The following MACO1 variants were observed in gnomAD, a reference collection of about 807,000 sequenced individuals.
MACO1 encodes the protein macoilin.
Under a neutral mutation model 78.7 loss-of-function variants are expected in MACO1, and 14 were observed. The observed-to-expected ratio is 0.18, with a 90% CI of 0.12 to 0.28. MACO1 has a LOEUF of 0.28. Among genes scored for constraint, MACO1 ranks in the 10% least tolerant of loss-of-function variants. The pLI is 1.00. For synonymous variants in MACO1, 288 were observed against 291.6 expected, an observed-to-expected ratio of 0.99 and a Z score of 0.12; for missense variants, 501 against 799.0, an observed-to-expected ratio of 0.63 and a Z score of 4.50.
intron 3 of MACO1, 37 bp from the exon 4 acceptor site, chr1:25,454,222 G>A (rs770499605): frequency 5.2e-6 from 8 of 1,536,316 alleles, no homozygotes; most frequent in Middle Eastern, 1.7e-4. Context: ...TTACTATATC[G>A]TTTATTAATG....
At chr1:25,455,241 A>T (rs1158057652) in intron 4 of MACO1, among the ~76,000 whole-genome samples, 1 of 152,128 alleles carries the variant, frequency 6.6e-6, no homozygotes, top group Non-Finnish European at 1.5e-5. Flanking sequence ...ATTTCTCTTT[A>T]TGTTAATGAA....
rs901732611 is a variant in MACO1, at chr1:25,489,302, G to T, written c.1617+9G>T. 1.9e-6 allele frequency: 3 copies of T among 1,612,296 alleles called. No homozygotes were observed. The highest frequency in any genetic ancestry group is 2.5e-6 in the Non-Finnish European group (3 of 1,179,348). On this transcript the variant is annotated intron_variant, in intron 9 of 10. Coordinates refer to ENST00000374343, the MANE Select transcript of MACO1 (RefSeq NM_018202.6). ...TAGAACTAAAAGTCCAGGTAAGGGG[G>T]GAACAAAAGACTTCCCTTGTATTTG...
At chr1:25,464,990 T>A (rs921477762) in intron 6 of MACO1, among the ~76,000 whole-genome samples, 13 of 151,012 alleles carry the variant, frequency 8.6e-5, no homozygotes, top group Non-Finnish European at 1.5e-4. Context: ...TTTTTTTTTT[T>A]AATATAGAGA....
intron 6 of MACO1, among the ~76,000 whole-genome samples, chr1:25,459,487 A>ATTT (rs67989933): frequency 1.5e-4 from 22 of 146,392 alleles, no homozygotes; most frequent in African/African-American, 4.5e-4. Flanking sequence ...AATTAAAAGA[A>ATTT]TTTTTTTTTT....
In MACO1 at chr1:25,485,607, A is replaced by G. The variant is rs1294439517; in HGVS notation, c.1314-6A>G. ...AAGACTTTATATGACAATCATTTCCATATAGGTTACATAATGCTGTGCAAA... is the reference window on the plus strand; with the variant it reads ...AAGACTTTATATGACAATCATTTCCGTATAGGTTACATAATGCTGTGCAAA... On this transcript the variant is annotated splice_region_variant and splice_polypyrimidine_tract_variant and intron_variant, in intron 7 of 10. Coordinates refer to ENST00000374343, the MANE Select transcript of MACO1 (RefSeq NM_018202.6). The surrounding 1 kb of genome is among the most constrained non-coding windows in gnomAD (Gnocchi z 4.3). The G allele has an allele frequency of 3.1e-6, 5 of 1,608,628 alleles. No individual in the cohort carries two copies. In the African/African-American group the frequency reaches 6.7e-5, roughly 22 times the overall value.
chr1:25,482,747 A>G (rs2043391690), intron 6 of MACO1, among the ~76,000 whole-genome samples: 1 of 152,212 alleles, frequency 6.6e-6, no homozygotes. Flanking sequence ...GACTGCCTGG[A>G]TGACCTTGGG....
rs77675570 is a variant in MACO1, at chr1:25,485,936, C to T, written c.1496+141C>T. 2.7e-3 allele frequency: 2,373 copies of T among 871,596 alleles called. 34 individuals are homozygous for T. In the African/African-American group the frequency reaches 0.035, roughly 13 times the overall value. The allele number at this position is 871,596 out of a possible 1,614,324, so 54.0% of individuals were successfully genotyped here. ...TTGCTTTTAAGTACTGTTTTATTAA[C>T]TGGTTTAAACTCCATGTGTGCAAGC... On this transcript the variant is annotated intron_variant, in intron 8 of 10. Coordinates refer to ENST00000374343, the MANE Select transcript of MACO1 (RefSeq NM_018202.6). This position sits in a 1 kb window ranked among gnomAD's most constrained non-coding sequence, Gnocchi z 4.3.
chr1:25,442,236 G>A lies in MACO1; in HGVS notation c.81-4526G>A, dbSNP rs553222832. ...GTACAAGCCAGATAAGGGGCTGAAC[G>A]AATGTTCTAGAGGTGATGTCCAGTA... is the stretch of plus-strand genomic sequence containing the variant. On this transcript the variant is annotated intron_variant, in intron 1 of 10. Transcript: ENST00000374343. Among the ~76,000 whole-genome samples the A allele has an allele frequency of 3.3e-5, 5 of 152,354 alleles. No homozygotes were observed. In the South Asian group the frequency reaches 6.2e-4, roughly 19 times the overall value.
intron 6 of MACO1, among the ~76,000 whole-genome samples, chr1:25,462,856 A>G (rs569363676): frequency 1.5e-5 from 1 of 68,180 alleles, no homozygotes; most frequent in African/African-American, 3.7e-5. Context: ...AGTATGCTGT[A>G]TACCATGGGT....
intron 1 of MACO1, among the ~76,000 whole-genome samples, chr1:25,439,212 C>T (rs2042945850): frequency 6.6e-6 from 1 of 151,818 alleles, no homozygotes; most frequent in Admixed American, 6.6e-5. Flanking sequence ...ATAAGATACC[C>T]TATTTATTTA....
intron 3 of MACO1, among the ~76,000 whole-genome samples, chr1:25,450,495 C>T (rs1421703280): frequency 6.6e-6 from 1 of 152,084 alleles, no homozygotes; most frequent in South Asian, 2.1e-4. Flanking sequence ...ATTCTTGGGC[C>T]TAGCTACAAC....
intron 5 of MACO1, among the ~76,000 whole-genome samples, chr1:25,457,094 A>T (rs922316949): frequency 6.0e-5 from 9 of 150,058 alleles, no homozygotes; most frequent in Non-Finnish European, 1.2e-4. Context: ...TTTAATTCTG[A>T]TTTTTTTTTA....
At chr1:25,452,680 A>G (rs1416376122) in intron 3 of MACO1, among the ~76,000 whole-genome samples, 2 of 151,844 alleles carry the variant, frequency 1.3e-5, no homozygotes, top group Non-Finnish European at 2.9e-5. Context: ...GCTATTGCAA[A>G]TAATATTACG....
At chr1:25,445,118 A>C in intron 1 of MACO1, among the ~76,000 whole-genome samples, 1 of 133,776 alleles carries the variant, frequency 7.5e-6, no homozygotes, top group Admixed American at 8.1e-5. Flanking sequence ...ACATGGTGAG[A>C]CTCCCATCTC....
At chr1:25,464,913 A>T (rs35328183) in intron 6 of MACO1, among the ~76,000 whole-genome samples, 62,692 of 150,986 alleles carry the variant, frequency 0.42, 14,306 homozygotes, top group East Asian at 0.73. Context: ...ACCTCAGGTG[A>T]TCCACCCACC....
intron 1 of MACO1, 98 bp downstream of exon 1, chr1:25,431,276 C>T (rs952480347): frequency 1.9e-5 from 17 of 905,746 alleles, no homozygotes; most frequent in African/African-American, 7.2e-5. Context: ...GTAGGCCGCA[C>T]GCCCGCGCCG....
chr1:25,435,911 C>A (rs1200115500), intron 1 of MACO1, among the ~76,000 whole-genome samples: 1 of 152,194 alleles, frequency 6.6e-6, no homozygotes, highest in African/African-American at 2.4e-5. Flanking sequence ...CTCCAACTTT[C>A]ATTATGATTC....
chr1:25,464,520 T>A (rs1477414134), intron 6 of MACO1, among the ~76,000 whole-genome samples: 1 of 151,742 alleles, frequency 6.6e-6, no homozygotes, highest in Non-Finnish European at 1.5e-5. Flanking sequence ...AATTTTTGTA[T>A]TTTTGGTAGA....
At chr1:25,466,289 T>C (rs2043218663) in intron 6 of MACO1, among the ~76,000 whole-genome samples, 2 of 152,182 alleles carry the variant, frequency 1.3e-5, no homozygotes, top group African/African-American at 4.8e-5. Context: ...TTTTTGTCTT[T>C]TTGATATTAG....
Sources: gnomAD v4.1 joint callset for allele counts (sites outside exome capture counted in the v4.1 genomes callset) on GRCh38, gnomAD v4.1.1 for gene constraint, Gnocchi (gnomAD v3.1) non-coding constraint, MANE v1.5 for transcripts, NCBI Gene and HGNC (gene_info 2026-07-23, HGNC 2026-07-21) for gene names.